The following OTUD6B variants were observed in gnomAD, a reference collection of about 807,000 sequenced individuals.
OTUD6B encodes the protein OTU deubiquitinase 6B.
OTUD6B carries 41 observed loss-of-function variants against 36.9 expected under a neutral mutation model. That is an observed-to-expected ratio of 1.11 (90% CI 0.87 to 1.44). The LOEUF is 1.44. Among genes scored for constraint, OTUD6B ranks in the 40% most tolerant of loss-of-function variants. The pLI is 0.00. For synonymous variants in OTUD6B, 114 were observed against 114.2 expected, an observed-to-expected ratio of 1.00 and a Z score of 0.01; for missense variants, 356 against 344.8, an observed-to-expected ratio of 1.03 and a Z score of -0.26.
rs1206997563 is a variant in OTUD6B, at chr8:91,087,033, T to G, written c.*2165T>G. 6.6e-6 allele frequency: 1 copy of G among 151,438 alleles called. No individual in the cohort carries two copies. Among genetic ancestry groups the G allele is most frequent in the Non-Finnish European group, 1.5e-5 (1 of 67,824 alleles). The allele number at this position is 151,438 out of a possible 1,614,324, so 9.4% of individuals were successfully genotyped here. A position where few individuals can be genotyped will look rare whatever the true frequency, so the allele number is the denominator to read the frequency against. ...GTGTGTAACTATAGTGAACGCATAG[T>G]TTTGCTTATATTATGTGATGTTTGC... On this transcript the variant is annotated 3_prime_UTR_variant, in exon 7 of 7. Transcript: ENST00000404789.
rs1390353743 is a variant in OTUD6B, at chr8:91,078,367, T to C, written c.327T>C (p.Ala109=). The C allele has an allele frequency of 3.8e-6, 6 of 1,570,062 alleles. No individual in the cohort carries two copies. The highest frequency in any genetic ancestry group is 5.2e-6 in the Non-Finnish European group (6 of 1,158,422). ...SKAQKRREKK[A]ALEKEREERI... Reference sequence around the variant, plus strand: ...TCTGCTTTTCTTAGGAAAAGAAAGCTGCATTGGAAAAGGAGCGAGAAGAAC... The same window carrying C: ...TCTGCTTTTCTTAGGAAAAGAAAGCCGCATTGGAAAAGGAGCGAGAAGAAC... Residue 109 remains alanine, a synonymous_variant, in exon 4 of 7, where the codon GCT becomes GCC. Transcript: ENST00000404789.
Position 91,078,440 on chromosome 8 carries a change from G to C in OTUD6B, c.400G>C (p.Glu134Gln). The change falls in exon 4 of 7, where the codon GAA (glutamate) becomes CAA (glutamine). Residue 134 changes from glutamate (E) to glutamine (Q), a missense_variant. By Grantham distance (29) the Glu-to-Gln change is conservative. Transcript: ENST00000404789. Reference protein sequence around the residue: ...IENLTGARHMESEKLAQILAA... With the variant: ...IENLTGARHMQSEKLAQILAA... ...AAACTTAACAGGAGCCAGACATATGGAAAGTGAGAAACTTGCTCAAATATT... is the reference window on the plus strand; with the variant it reads ...AAACTTAACAGGAGCCAGACATATGCAAAGTGAGAAACTTGCTCAAATATT... The C allele has an allele frequency of 6.2e-7, 1 of 1,601,434 alleles. No individual in the cohort carries two copies. The highest frequency in any genetic ancestry group is 8.5e-7 in the Non-Finnish European group (1 of 1,173,194).
At chr8:91,074,194 G>A (rs1305865062) in intron 3 of OTUD6B, among the ~76,000 whole-genome samples, 3 of 152,124 alleles carry the variant, frequency 2.0e-5, no homozygotes, top group South Asian at 4.1e-4. Flanking sequence ...ATAAAATAAC[G>A]TATTCAGGTT....
Position 91,085,746 on chromosome 8 carries a change from G to A in OTUD6B, c.*878G>A, listed in dbSNP as rs968295243. ...TTCCTTGAAGGAACAAGCATTTTGTGGCCTTTACCTTGTGCAATTTTAGGG... is the reference window on the plus strand; with the variant it reads ...TTCCTTGAAGGAACAAGCATTTTGTAGCCTTTACCTTGTGCAATTTTAGGG... On this transcript the variant is annotated 3_prime_UTR_variant, in exon 7 of 7. Coordinates refer to ENST00000404789, the MANE Select transcript of OTUD6B (RefSeq NM_016023.5). 2 of 151,848 alleles carry A rather than the reference G, an allele frequency of 1.3e-5. No individual in the cohort carries two copies. The highest frequency in any genetic ancestry group is 2.9e-5 in the Non-Finnish European group (2 of 67,932). The allele number at this position is 151,848 out of a possible 1,614,324, so 9.4% of individuals were successfully genotyped here.
chr8:91,078,589 C>G lies in OTUD6B; in HGVS notation c.549C>G (p.Thr183=), dbSNP rs756619826. ...CTGTGGTTGCCTTGAGAAGTCAGAC[C>G]GCTGAGTATATGCAAAGCCATGTGG... ...ALTVVALRSQ[T]AEYMQSHVED... Residue 183 remains threonine, a synonymous_variant, in exon 4 of 7, where the codon ACC becomes ACG. Coordinates refer to ENST00000404789, the MANE Select transcript of OTUD6B (RefSeq NM_016023.5). The G allele has an allele frequency of 3.1e-6, 5 of 1,604,282 alleles. No homozygotes were observed. Among genetic ancestry groups the G allele is most frequent in the Non-Finnish European group, 4.3e-6 (5 of 1,174,910 alleles).
chr8:91,073,703 C>CA, intron 2 of OTUD6B, 128 bp from the exon 3 acceptor site: 1 of 1,240,166 alleles, frequency 8.1e-7, no homozygotes, highest in Non-Finnish European at 1.0e-6. Context: ...AAACAGGAGA[C>CA]AAAACCATAT....
Position 91,086,042 on chromosome 8 carries a change from A to G in OTUD6B, c.*1174A>G, listed in dbSNP as rs935212981. On this transcript the variant is annotated 3_prime_UTR_variant, in exon 7 of 7. Coordinates refer to ENST00000404789, the MANE Select transcript of OTUD6B (RefSeq NM_016023.5). The stretch of plus-strand genomic sequence containing the variant: ...TGTATATGAATGGTTGTTCTAGCTC[A>G]GATTTCAGGTTACTCACAACAGTAT... The G allele has an allele frequency of 1.3e-5, 2 of 152,122 alleles. No individual in the cohort carries two copies. The highest frequency in any genetic ancestry group is 2.9e-5 in the Non-Finnish European group (2 of 68,004). 9.4% of individuals were successfully genotyped at this position (152,122 alleles called of 1,614,324 possible). A position where few individuals can be genotyped will look rare whatever the true frequency, so the allele number is the denominator to read the frequency against.
At chr8:91,083,717 AT>A (rs1252919451) in intron 5 of OTUD6B, among the ~76,000 whole-genome samples, 1 of 152,196 alleles carries the variant, frequency 6.6e-6, no homozygotes, top group Non-Finnish European at 1.5e-5. Flanking sequence ...TTGTGTTTAG[AT>A]TTGAGTCCCA....
rs866550975 is a variant in OTUD6B, at chr8:91,070,464, A to C, written c.80A>C (p.Gln27Pro). Residue 27 changes from glutamine (Q) to proline (P), a missense_variant and splice_region_variant, in exon 1 of 7, where the codon CAA becomes CCA. Coordinates refer to ENST00000404789, the MANE Select transcript of OTUD6B (RefSeq NM_016023.5). ...RRHRKEKKELQAKIQGMKNAV... is the reference protein window; with the variant it reads ...RRHRKEKKELPAKIQGMKNAV... ...CATCGCAAAGAGAAGAAGGAGTTGC[A>C]AGGTGAGGCGGAAGGAAGTGGGAAT... is the stretch of plus-strand genomic sequence containing the variant. 11 of 1,564,756 alleles carry C rather than the reference A, an allele frequency of 7.0e-6. No homozygotes were observed. Among genetic ancestry groups the C allele is most frequent in the African/African-American group, 2.7e-5 (2 of 73,620 alleles).
chr8:91,078,307 T>A (rs1253243712), intron 3 of OTUD6B, 49 bp from the exon 4 acceptor site: 2 of 1,483,464 alleles, frequency 1.3e-6, no homozygotes, highest in African/African-American at 2.8e-5. Context: ...TAAATGAGAA[T>A]TAGTCCAAAT....
intron 5 of OTUD6B, 166 bp from the exon 6 acceptor site, chr8:91,083,841 TA>T (rs1812954496): frequency 3.3e-6 from 1 of 306,864 alleles, no homozygotes; most frequent in African/African-American, 2.3e-5. Flanking sequence ...ACCTGTATTA[TA>T]TTTATTTATT....
chr8:91,082,395 G>C (rs1056811599), intron 5 of OTUD6B, among the ~76,000 whole-genome samples: 1 of 151,742 alleles, frequency 6.6e-6, no homozygotes, highest in Non-Finnish European at 1.5e-5. Context: ...CTTTCTTTTT[G>C]AGACAGAGTC....
intron 2 of OTUD6B, among the ~76,000 whole-genome samples, chr8:91,072,624 C>A (rs1353308279): frequency 6.6e-6 from 1 of 152,196 alleles, no homozygotes; most frequent in Non-Finnish European, 1.5e-5. Flanking sequence ...AAGTTCCCAA[C>A]TTTCCTTGCC....
At position 91,085,906 on chromosome 8, in the gene OTUD6B, C is replaced by T. The variant is rs1813004442; in HGVS notation, c.*1038C>T. On this transcript the variant is annotated 3_prime_UTR_variant, in exon 7 of 7. Transcript: ENST00000404789. ...AACCTTTGCCACTTATTTTATTAGC[C>T]TTATTAATGTCACCTTTCCTTCAAC... The T allele has an allele frequency of 6.6e-6, 1 of 152,048 alleles. No individual in the cohort carries two copies. Among genetic ancestry groups the T allele is most frequent in the Non-Finnish European group, 1.5e-5 (1 of 67,970 alleles). The allele number at this position is 152,048 out of a possible 1,614,324, so 9.4% of individuals were successfully genotyped here.
In OTUD6B at chr8:91,078,365, G is replaced by C. The variant is rs1474104469; in HGVS notation, c.325G>C (p.Ala109Pro). The change falls in exon 4 of 7, where the codon GCT becomes CCT. Residue 109 changes from alanine (A) to proline (P), a missense_variant. By Grantham distance (27) the Ala-to-Pro change is conservative (BLOSUM62 -1). Coordinates refer to ENST00000404789, the MANE Select transcript of OTUD6B (RefSeq NM_016023.5). ...ATTCTGCTTTTCTTAGGAAAAGAAA[G>C]CTGCATTGGAAAAGGAGCGAGAAGA... ...SKAQKRREKK[A>P]ALEKEREERI... 1.3e-6 allele frequency: 2 copies of C among 1,567,162 alleles called. No homozygotes were observed. The highest frequency in any genetic ancestry group is 2.4e-5 in the South Asian group (2 of 83,568).
chr8:91,073,696 CA>C, intron 2 of OTUD6B, 134 bp from the exon 3 acceptor site: 1 of 1,207,076 alleles, frequency 8.3e-7, no homozygotes, highest in Non-Finnish European at 1.1e-6. Flanking sequence ...AAAATAGAAA[CA>C]GGAGACAAAA....
intron 3 of OTUD6B, chr8:91,076,536 G>A (rs2130433129): frequency 6.6e-7 from 1 of 1,524,096 alleles, no homozygotes; most frequent in East Asian, 2.5e-5. Context: ...TCAGTAAATA[G>A]TACATGACAT....
At chr8:91,076,025 A>G (rs1023529465) in intron 3 of OTUD6B, among the ~76,000 whole-genome samples, 2 of 152,094 alleles carry the variant, frequency 1.3e-5, no homozygotes, top group African/African-American at 4.8e-5. Context: ...AGAACTTAGA[A>G]GAGCTGGGTT....
chr8:91,084,757 C>T (rs772868209), intron 6 of OTUD6B, 27 bp from the exon 7 acceptor site: 9 of 1,433,100 alleles, frequency 6.3e-6, no homozygotes, highest in Non-Finnish European at 8.4e-6. Context: ...ATCAAAACTA[C>T]TCATTTCTTT....
Sources: gnomAD v4.1 joint callset for allele counts (sites outside exome capture counted in the v4.1 genomes callset) on GRCh38, gnomAD v4.1.1 for gene constraint, MANE v1.5 for transcripts, NCBI Gene and HGNC (gene_info 2026-07-23, HGNC 2026-07-21) for gene names.